Variants in RAB30 observed in about 807,000 individuals in gnomAD.
RAB30 encodes RAB30, member RAS oncogene family.
RAB30 carries 9 observed loss-of-function variants against 25.1 expected under a neutral mutation model. The observed-to-expected ratio is 0.36, with a 90% CI of 0.22 to 0.63. The LOEUF (loss-of-function observed/expected upper bound fraction) is 0.63, where lower values mean the gene tolerates loss of function less well. RAB30 is among the 20% of genes least tolerant of loss of function. The probability of loss-of-function intolerance (pLI) is 0.69; values close to 1 mark genes in which losing one functional copy is unlikely to be tolerated. For missense variants in RAB30, 140 were observed against 243.5 expected (o/e 0.58, Z 2.83); for synonymous variants, 77 against 86.4 (o/e 0.89, Z 0.60).
chr11:83,063,445 T>TG (rs1858628214), intron 1 of RAB30, among the ~76,000 whole-genome samples: 1 of 152,222 alleles, frequency 6.6e-6, no homozygotes, highest in South Asian at 2.1e-4. Flanking sequence ...CAGAATTCTC[T>TG]GGGGAAAACT....
intron 1 of RAB30, among the ~76,000 whole-genome samples, chr11:83,000,626 A>G (rs1364183261): frequency 2.6e-5 from 4 of 152,178 alleles, no homozygotes; most frequent in Non-Finnish European, 4.4e-5. Flanking sequence ...TCATTTCTAC[A>G]TCTTTGCTGG....
intron 1 of RAB30, among the ~76,000 whole-genome samples, chr11:83,023,954 C>A (rs1161924952): frequency 2.0e-5 from 3 of 152,162 alleles, no homozygotes; most frequent in Non-Finnish European, 4.4e-5. Context: ...CTATTTGGTT[C>A]TCCCACAATA....
chr11:83,013,697 T>C (rs769161352), intron 1 of RAB30, among the ~76,000 whole-genome samples: 1 of 152,162 alleles, frequency 6.6e-6, no homozygotes, highest in Non-Finnish European at 1.5e-5. Context: ...CTTGCTACAA[T>C]GCAGTGTCTC....
Position 82,983,673 on chromosome 11 carries a change from A to G in RAB30, c.362-1258T>C, listed in dbSNP as rs185984134. Among the ~76,000 whole-genome samples, 135 of 152,070 alleles carry G rather than the reference A, an allele frequency of 8.9e-4. 5 individuals carry two copies. In the East Asian group the frequency reaches 0.025, roughly 28 times the overall value. ...GGTCTTGAACTTGTGAGCTTAAGCGATCCACCTGCCTCGGCCTCCAGAAGT... is the reference window on the plus strand; with the variant it reads ...GGTCTTGAACTTGTGAGCTTAAGCGGTCCACCTGCCTCGGCCTCCAGAAGT... On this transcript the variant is annotated intron_variant, in intron 4 of 4. Transcript: ENST00000527633.
At position 83,068,310 on chromosome 11, in the gene RAB30, A is replaced by C. The variant is rs547359179; in HGVS notation, c.-9+3381T>G. Among the ~76,000 whole-genome samples the C allele has an allele frequency of 7.2e-5, 11 of 151,786 alleles. No homozygotes were observed. In the South Asian group the frequency reaches 1.5e-3, roughly 20 times the overall value. On this transcript the variant is annotated intron_variant, in intron 1 of 4. Transcript: ENST00000527633. ...CAAAACTCTGTCTCAAAAAAAAAAA[A>C]CAAAAAACTTAGTGTCTCTCTAAAC...
chr11:83,034,952 A>G (rs1857956507), intron 1 of RAB30, among the ~76,000 whole-genome samples: 1 of 152,012 alleles, frequency 6.6e-6, no homozygotes, highest in South Asian at 2.1e-4. Context: ...AAAAGAAAGG[A>G]AAAGAAATAC....
intron 4 of RAB30, among the ~76,000 whole-genome samples, chr11:82,983,294 T>C (rs1856676031): frequency 6.6e-6 from 1 of 152,224 alleles, no homozygotes. Context: ...GATTTTACTT[T>C]AGGAACTTAA....
chr11:83,011,203 A>G (rs950907064), intron 1 of RAB30, among the ~76,000 whole-genome samples: 2 of 152,244 alleles, frequency 1.3e-5, no homozygotes, highest in Non-Finnish European at 2.9e-5. Flanking sequence ...AAAATTGCCA[A>G]TACAAATGCA....
chr11:83,025,265 T>C (rs1198430461), intron 1 of RAB30, among the ~76,000 whole-genome samples: 2 of 152,210 alleles, frequency 1.3e-5, no homozygotes, highest in Non-Finnish European at 2.9e-5. Context: ...AAGTTTCTCA[T>C]TGTGAAGCAC....
intron 1 of RAB30, among the ~76,000 whole-genome samples, chr11:83,070,919 G>A (rs75853224): frequency 0.012 from 1,839 of 152,272 alleles, 42 homozygotes; most frequent in African/African-American, 0.042. Context: ...AGCTCATTAT[G>A]GTACCATTGT....
chr11:83,061,660 G>A lies in RAB30; in HGVS notation c.-9+10031C>T, dbSNP rs1858581141. Among the ~76,000 whole-genome samples the A allele has an allele frequency of 3.2e-5, 4 of 126,806 alleles. No individual in the cohort carries two copies. The South Asian group carries it at 1.0e-3, about 33-fold the overall frequency. 83.2% of individuals were successfully genotyped at this position (126,806 alleles called of 152,430 possible). A position where few individuals can be genotyped will look rare whatever the true frequency, so the allele number is the denominator to read the frequency against. ...AATCCAGATAAAAGGTACATGGAAT[G>A]TTTTTCGTTTGTTTTTTGTTTTTTT... On this transcript the variant is annotated intron_variant, in intron 1 of 4. Coordinates refer to ENST00000527633, the MANE Select transcript of RAB30 (RefSeq NM_001286060.2).
At chr11:83,015,031 G>C (rs2121503149) in intron 1 of RAB30, among the ~76,000 whole-genome samples, 1 of 152,330 alleles carries the variant, frequency 6.6e-6, no homozygotes, top group East Asian at 1.9e-4. Flanking sequence ...AGAACTGGGA[G>C]ACTGCTGTGG....
At chr11:83,022,300 C>G (rs1857598795) in intron 1 of RAB30, among the ~76,000 whole-genome samples, 1 of 152,146 alleles carries the variant, frequency 6.6e-6, no homozygotes, top group African/African-American at 2.4e-5. Flanking sequence ...GCTGGGACTA[C>G]AAGCACATGC....
At chr11:83,049,632 C>A (rs1373983375) in intron 1 of RAB30, among the ~76,000 whole-genome samples, 1 of 151,734 alleles carries the variant, frequency 6.6e-6, no homozygotes, top group Non-Finnish European at 1.5e-5. Context: ...AAGGTATACG[C>A]CACCATGCCT....
chr11:83,049,212 C>A (rs1327122161), intron 1 of RAB30, among the ~76,000 whole-genome samples: 1 of 152,000 alleles, frequency 6.6e-6, no homozygotes, highest in Non-Finnish European at 1.5e-5. Context: ...GAGATCAAGA[C>A]CATCCTGGCC....
chr11:83,018,852 T>C (rs528487187), intron 1 of RAB30, among the ~76,000 whole-genome samples: 9 of 152,222 alleles, frequency 5.9e-5, no homozygotes, highest in Non-Finnish European at 1.2e-4. Context: ...TTGATCCATC[T>C]TGAGTTGATT....
At chr11:83,017,471 T>G (rs1056256364) in intron 1 of RAB30, among the ~76,000 whole-genome samples, 6 of 152,192 alleles carry the variant, frequency 3.9e-5, no homozygotes, top group Admixed American at 3.9e-4. Context: ...GAGATTTTGG[T>G]GCACCCATCA....
chr11:83,035,933 A>T (rs1857977280), intron 1 of RAB30, among the ~76,000 whole-genome samples: 4 of 151,782 alleles, frequency 2.6e-5, no homozygotes. Flanking sequence ...ACTTGATAGA[A>T]CTCTTCTATG....
chr11:83,042,508 G>A (rs1489788173), intron 1 of RAB30, among the ~76,000 whole-genome samples: 2 of 151,480 alleles, frequency 1.3e-5, no homozygotes, highest in Middle Eastern at 3.4e-3. Context: ...GAGCCAAGAT[G>A]CACCACTGCA....
Sources: allele counts gnomAD v4.1 joint callset (sites outside exome capture counted in the v4.1 genomes callset), GRCh38; gene constraint gnomAD v4.1.1; transcripts MANE v1.5; gene names NCBI Gene and HGNC (gene_info 2026-07-23, HGNC 2026-07-21).